SORCS3: variants seen among roughly 807,000 people sequenced by gnomAD.
SORCS3 encodes sortilin related VPS10 domain containing receptor 3.
A neutral mutation model predicts 146.3 loss-of-function variants in SORCS3; 57 were observed. The observed-to-expected ratio is 0.39, with a 90% CI of 0.31 to 0.49. SORCS3 has a LOEUF of 0.49. SORCS3 is among the 20% of genes least tolerant of loss of function. SORCS3 has a pLI of 0.92. For synonymous variants in SORCS3, 653 were observed against 618.5 expected, an observed-to-expected ratio of 1.06 and a Z score of -0.83; for missense variants, 1,341 against 1,575.5, an observed-to-expected ratio of 0.85 and a Z score of 2.52.
intron 4 of SORCS3, among the ~76,000 whole-genome samples, chr10:105,023,269 A>G (rs2055208438): frequency 1.3e-5 from 2 of 152,174 alleles, no homozygotes; most frequent in African/African-American, 2.4e-5. Context: ...TTTTATTACT[A>G]TGTGTAAACA....
At chr10:104,955,192 G>C (rs921961384) in intron 3 of SORCS3, among the ~76,000 whole-genome samples, 1 of 151,616 alleles carries the variant, frequency 6.6e-6, no homozygotes, top group East Asian at 1.9e-4. Flanking sequence ...TATATCCCTA[G>C]TCTCTGGCAA....
rs188036535 is a variant in SORCS3, at chr10:104,984,701, A to G, written c.954+7208A>G. Among the ~76,000 whole-genome samples, 6 of 152,298 alleles carry G rather than the reference A, an allele frequency of 3.9e-5. No homozygotes were observed. The East Asian group carries it at 1.2e-3, about 29-fold the overall frequency. On this transcript the variant is annotated intron_variant, in intron 4 of 26. Transcript: ENST00000369701. The stretch of plus-strand genomic sequence containing the variant: ...ATATTAATACCTATTAAATACATAC[A>G]GGCGTATCTTGGAGATATTGTGGGT...
At chr10:104,835,187 C>T (rs1211637818) in intron 1 of SORCS3, among the ~76,000 whole-genome samples, 1 of 152,074 alleles carries the variant, frequency 6.6e-6, no homozygotes, top group African/African-American at 2.4e-5. Flanking sequence ...AATTTCTACT[C>T]CCTGCAGGGG....
At chr10:105,164,231 C>A in intron 11 of SORCS3, 72 bp from the exon 12 acceptor site, 1 of 1,121,870 alleles carries the variant, frequency 8.9e-7, no homozygotes, top group Non-Finnish European at 1.4e-6. Context: ...TCTCTGCTCC[C>A]CCATCCCTCA....
chr10:104,877,789 G>T (rs2018591912), intron 2 of SORCS3, among the ~76,000 whole-genome samples: 1 of 152,072 alleles, frequency 6.6e-6, no homozygotes, highest in African/African-American at 2.4e-5. Context: ...CTTCCCTATG[G>T]TTTTCTGCAT....
intron 3 of SORCS3, among the ~76,000 whole-genome samples, chr10:104,933,301 T>C (rs963666397): frequency 3.1e-5 from 4 of 128,272 alleles, no homozygotes; most frequent in Middle Eastern, 3.9e-3. Context: ...CTTTGTCCTC[T>C]GGCTATTTTT....
Position 105,039,736 on chromosome 10 carries a change from T to A in SORCS3, c.955-3319T>A, listed in dbSNP as rs532336397. 7.4e-4 allele frequency among the ~76,000 whole-genome samples: 113 copies of A among 152,184 alleles called. 1 individual carries two copies. In the South Asian group the frequency reaches 7.9e-3, roughly 11 times the overall value. ...TCCCAAAGTGCTGGGATTATAGGCA[T>A]GAGCCACTGCACCCAGGTTCTCGCT... On this transcript the variant is annotated intron_variant, in intron 4 of 26. Transcript: ENST00000369701.
chr10:104,817,206 G>A (rs1353916115), intron 1 of SORCS3, among the ~76,000 whole-genome samples: 1 of 152,156 alleles, frequency 6.6e-6, no homozygotes, highest in South Asian at 2.1e-4. Flanking sequence ...TAGGGCCCAT[G>A]GATTTCCTTT....
At chr10:105,258,802 G>A (rs1426263320) in intron 25 of SORCS3, among the ~76,000 whole-genome samples, 1 of 151,998 alleles carries the variant, frequency 6.6e-6, no homozygotes, top group Non-Finnish European at 1.5e-5. Flanking sequence ...CCTTTTCTGT[G>A]TCCCTGACAG....
intron 8 of SORCS3, among the ~76,000 whole-genome samples, chr10:105,143,991 G>A (rs570295063): frequency 1.6e-4 from 24 of 152,016 alleles, no homozygotes; most frequent in African/African-American, 5.3e-4. Flanking sequence ...CAATGCTTCC[G>A]CAATTAATTT....
chr10:104,698,298 G>A (rs1324220656), intron 1 of SORCS3, among the ~76,000 whole-genome samples: 1 of 152,112 alleles, frequency 6.6e-6, no homozygotes, highest in Non-Finnish European at 1.5e-5. Flanking sequence ...TGAGACCCAA[G>A]CCCTGATTTC....
chr10:105,255,186 C>CAA (rs35150065), intron 23 of SORCS3, among the ~76,000 whole-genome samples: 406 of 32,152 alleles, frequency 0.013, 8 homozygotes, highest in Middle Eastern at 0.038. Flanking sequence ...GACTCAGTCT[C>CAA]AAAAAAAAAA....
At chr10:104,786,440 C>T (rs989136340) in intron 1 of SORCS3, among the ~76,000 whole-genome samples, 2 of 151,516 alleles carry the variant, frequency 1.3e-5, no homozygotes, top group Non-Finnish European at 1.5e-5. Context: ...CCCAGCTACT[C>T]GGGATGCTGA....
intron 2 of SORCS3, among the ~76,000 whole-genome samples, chr10:104,893,961 T>G (rs12766143): frequency 6.6e-6 from 1 of 152,208 alleles, no homozygotes; most frequent in South Asian, 2.1e-4. Flanking sequence ...ATTCATTTCA[T>G]TGTTTAGCTA....
intron 3 of SORCS3, among the ~76,000 whole-genome samples, chr10:104,972,410 T>C (rs939574934): frequency 7.2e-5 from 11 of 152,284 alleles, no homozygotes; most frequent in Admixed American, 5.9e-4. Context: ...GGGAGAAATA[T>C]TTGCTCAAGG....
rs747518404 is a variant in SORCS3 at position 105,247,339 on chromosome 10, G to C, written c.3105+8G>C. Reference sequence around the variant, plus strand: ...AAGCGAGCTCTGGTTAAAGTAAGTTGGCTTTGTCTTTTTTTAAGTTCTTGT... The same window carrying C: ...AAGCGAGCTCTGGTTAAAGTAAGTTCGCTTTGTCTTTTTTTAAGTTCTTGT... On this transcript the variant is annotated splice_region_variant and intron_variant, in intron 22 of 26. Coordinates refer to ENST00000369701, the MANE Select transcript of SORCS3 (RefSeq NM_014978.3). 4.6e-6 allele frequency: 7 copies of C among 1,538,044 alleles called. No homozygotes were observed. In the South Asian group the frequency reaches 7.9e-5, roughly 17 times the overall value.
At chr10:104,867,446 A>T (rs530182311) in intron 2 of SORCS3, among the ~76,000 whole-genome samples, 118 of 151,662 alleles carry the variant, frequency 7.8e-4, no homozygotes, top group Middle Eastern at 6.9e-3. Context: ...AGTAGTTGGG[A>T]CTACAGGTGC....
At chr10:104,800,844 A>G (rs1173428968) in intron 1 of SORCS3, among the ~76,000 whole-genome samples, 2 of 152,164 alleles carry the variant, frequency 1.3e-5, no homozygotes, top group Non-Finnish European at 1.5e-5. Context: ...TCACTGGCAG[A>G]TCATTGAGCA....
intron 5 of SORCS3, 106 bp downstream of exon 5, chr10:105,043,234 C>T (rs1369123454): frequency 9.2e-6 from 9 of 975,206 alleles, no homozygotes; most frequent in Non-Finnish European, 1.5e-5. Context: ...CAAATGTGTT[C>T]CAGTCCTTTG....
Sources: allele counts gnomAD v4.1 joint callset (sites outside exome capture counted in the v4.1 genomes callset), GRCh38; gene constraint gnomAD v4.1.1; transcripts MANE v1.5; gene names NCBI Gene and HGNC (gene_info 2026-07-23, HGNC 2026-07-21).